TES: variants seen among roughly 807,000 people sequenced by gnomAD.
TES encodes the protein testin.
A neutral mutation model predicts 48.2 loss-of-function variants in TES; 41 were observed. That is an observed-to-expected ratio of 0.85 (90% CI 0.66 to 1.10). TES has a LOEUF of 1.10. Among genes scored for constraint, TES ranks in the 50% least tolerant of loss-of-function variants. The pLI, the probability that TES is intolerant of heterozygous loss-of-function variation, is 0.00. For synonymous variants in TES, 162 were observed against 174.9 expected (o/e 0.93, Z 0.58); for missense variants, 463 against 515.1 (o/e 0.90, Z 0.98).
chr7:116,214,643 G>A (rs1563003826), intron 1 of TES, among the ~76,000 whole-genome samples: 1 of 152,104 alleles, frequency 6.6e-6, no homozygotes, highest in Non-Finnish European at 1.5e-5. Flanking sequence ...TAATTGTCCT[G>A]AATATTGGTT....
chr7:116,243,132 A>AT (rs1390250229), intron 2 of TES, among the ~76,000 whole-genome samples: 1 of 150,830 alleles, frequency 6.6e-6, no homozygotes, highest in African/African-American at 2.4e-5. Flanking sequence ...TTAGTACTTT[A>AT]TTTTTTCCTT....
Position 116,252,370 on chromosome 7 carries a change from A to G in TES, c.971A>G (p.Lys324Arg), listed in dbSNP as rs1053671599. 1.1e-5 allele frequency: 18 copies of G among 1,613,948 alleles called. No homozygotes were observed. Among genetic ancestry groups the G allele is most frequent in the African/African-American group, 4.0e-5 (3 of 74,928 alleles). The change falls in exon 6 of 7, where the codon AAA becomes AGA. Residue 324 changes from lysine to arginine, a missense_variant. Physicochemically the swap from Lys to Arg is conservative, Grantham distance 26 (BLOSUM62 2). Coordinates refer to ENST00000358204, the MANE Select transcript of TES (RefSeq NM_015641.4). ...GCAGAAAACCAGAATTGGCACCTGA[A>G]ACACTTCTGCTGCTTTGACTGTGAT... ...TQAENQNWHL[K>R]HFCCFDCDSI...
In TES at chr7:116,251,956, G is replaced by A; in HGVS notation, c.899G>A (p.Arg300Gln). Reference sequence around the variant, plus strand: ...CATTACTGTGACAGCGAGAAACCCCGATGTGCTGGCTGTGACGAGGTATGT... The same window carrying A: ...CATTACTGTGACAGCGAGAAACCCCAATGTGCTGGCTGTGACGAGGTATGT... Reference protein sequence around the residue: ...GRHYCDSEKPRCAGCDELIFS... With the variant: ...GRHYCDSEKPQCAGCDELIFS... The change falls in exon 5 of 7, where the codon CGA becomes CAA. Residue 300 changes from arginine (R) to glutamine (Q), a missense_variant. Transcript: ENST00000358204. 2 of 1,614,160 alleles carry A rather than the reference G, an allele frequency of 1.2e-6. No homozygotes were observed. Among genetic ancestry groups the A allele is most frequent in the Non-Finnish European group, 1.7e-6 (2 of 1,180,038 alleles).
intron 1 of TES, chr7:116,211,484 C>G (rs1474351059): frequency 6.6e-6 from 1 of 152,272 alleles, no homozygotes; most frequent in East Asian, 1.9e-4. Context: ...TGAGCCACTC[C>G]CGGGTTATGC....
At chr7:116,254,147 G>T (rs894896339) in intron 6 of TES, among the ~76,000 whole-genome samples, 1 of 152,032 alleles carries the variant, frequency 6.6e-6, no homozygotes, top group Non-Finnish European at 1.5e-5. Flanking sequence ...ACAGACTAAA[G>T]GTATTATAAT....
At chr7:116,220,224 G>C (rs1231485829) in intron 1 of TES, among the ~76,000 whole-genome samples, 1 of 152,132 alleles carries the variant, frequency 6.6e-6, no homozygotes, top group East Asian at 1.9e-4. Flanking sequence ...AGAATTTAAA[G>C]GTAAAAAGAG....
chr7:116,253,353 A>T (rs3823977), intron 6 of TES, among the ~76,000 whole-genome samples: 49,602 of 152,020 alleles, frequency 0.33, 8,431 homozygotes, highest in East Asian at 0.57. Context: ...ACAGTTATTC[A>T]TTCTCTATCA....
At position 116,210,651 on chromosome 7, in the gene TES, G is replaced by A; in HGVS notation, c.-57G>A. The A allele has an allele frequency of 2.3e-6, 3 of 1,299,518 alleles. No homozygotes were observed. Among genetic ancestry groups the A allele is most frequent in the South Asian group, 4.9e-5 (2 of 40,614 alleles). The allele number at this position is 1,299,518 out of a possible 1,614,324, so 80.5% of individuals were successfully genotyped here. The stretch of plus-strand genomic sequence containing the variant: ...TTCGCAGCGGAGCCGGAGGCCAGCT[G>A]AACCCGGCCGTGGGATCCCGGATAG... On this transcript the variant is annotated 5_prime_UTR_variant, in exon 1 of 7. Transcript: ENST00000358204.
In TES at chr7:116,250,354, TG is replaced by T. The variant is rs1184704887; in HGVS notation, c.563del (p.Gly188GlufsTer2). ...QFVKKYKSEA[L>X]GVGDVKLPCE... ...GTGAAGAAATATAAGAGCGAAGCTC[TG>T]GGAGTAGGAGATGTCAAACTTCCCT... On this transcript the variant is annotated frameshift_variant, in exon 4 of 7. Transcript: ENST00000358204. LOFTEE classifies it high-confidence loss of function. 6.2e-7 allele frequency: 1 copy of T among 1,613,944 alleles called. No individual in the cohort carries two copies. The highest frequency in any genetic ancestry group is 8.5e-7 in the Non-Finnish European group (1 of 1,179,924).
chr7:116,252,084 T>C, intron 5 of TES, 109 bp downstream of exon 5: 1 of 1,182,678 alleles, frequency 8.5e-7, no homozygotes, highest in Non-Finnish European at 1.2e-6. Flanking sequence ...TCTGTTTACA[T>C]CCAAAGAAGT....
chr7:116,226,844 G>C (rs1438421964), intron 1 of TES, among the ~76,000 whole-genome samples: 3 of 152,244 alleles, frequency 2.0e-5, no homozygotes, highest in Admixed American at 6.5e-5. Flanking sequence ...TGACCAAGTG[G>C]GTGGTGACAA....
intron 4 of TES, 196 bp from the exon 5 acceptor site, chr7:116,251,564 T>G: frequency 1.8e-6 from 1 of 555,892 alleles, no homozygotes; most frequent in African/African-American, 1.9e-5. Flanking sequence ...GCGCCTGTAG[T>G]CCCAGCTACT....
intron 4 of TES, 69 bp downstream of exon 4, chr7:116,250,565 C>A: frequency 8.0e-7 from 1 of 1,253,118 alleles, no homozygotes; most frequent in Non-Finnish European, 1.0e-6. Context: ...TTACTTTGAA[C>A]TTTTTTGGGG....
intron 2 of TES, among the ~76,000 whole-genome samples, chr7:116,236,243 A>G (rs1484964147): frequency 2.0e-5 from 3 of 152,182 alleles, no homozygotes; most frequent in Non-Finnish European, 4.4e-5. Flanking sequence ...TTTTTACCTT[A>G]CAATCTTATA....
chr7:116,233,407 A>G (rs1471724148), intron 1 of TES, among the ~76,000 whole-genome samples: 1 of 152,204 alleles, frequency 6.6e-6, no homozygotes, highest in Non-Finnish European at 1.5e-5. Flanking sequence ...AGGGTTTGCT[A>G]TAGCAAGGGT....
At chr7:116,248,958 G>A (rs1021511351) in intron 2 of TES, 62 bp from the exon 3 acceptor site, 24 of 1,455,910 alleles carry the variant, frequency 1.6e-5, no homozygotes, top group Admixed American at 9.5e-5. Context: ...AACTATAAAT[G>A]TATGAACATA....
At chr7:116,241,838 C>A (rs951710605) in intron 2 of TES, among the ~76,000 whole-genome samples, 3 of 152,012 alleles carry the variant, frequency 2.0e-5, no homozygotes, top group African/African-American at 7.2e-5. Flanking sequence ...ATTGTCAAGA[C>A]AAATAATAAT....
At chr7:116,224,388 A>G (rs1245628007) in intron 1 of TES, among the ~76,000 whole-genome samples, 1 of 152,170 alleles carries the variant, frequency 6.6e-6, no homozygotes, top group Non-Finnish European at 1.5e-5. Context: ...GAAAAGAATG[A>G]TATTTTGCTT....
In TES at chr7:116,252,383, C is replaced by G; in HGVS notation, c.984C>G (p.Cys328Trp). 3.7e-6 allele frequency: 6 copies of G among 1,614,200 alleles called. No homozygotes were observed. Among genetic ancestry groups the G allele is most frequent in the Non-Finnish European group, 5.1e-6 (6 of 1,180,012 alleles). Residue 328 changes from cysteine (C) to tryptophan (W), a missense_variant, in exon 6 of 7, where the codon TGC becomes TGG. Coordinates refer to ENST00000358204, the MANE Select transcript of TES (RefSeq NM_015641.4). ...NQNWHLKHFCCFDCDSILAGE... is the reference protein window; with the variant it reads ...NQNWHLKHFCWFDCDSILAGE... The stretch of plus-strand genomic sequence containing the variant: ...ATTGGCACCTGAAACACTTCTGCTG[C>G]TTTGACTGTGATAGCATTCTAGCTG...
Sources: gnomAD v4.1 joint callset for allele counts (sites outside exome capture counted in the v4.1 genomes callset) on GRCh38, gnomAD v4.1.1 for gene constraint, MANE v1.5 for transcripts, NCBI Gene and HGNC (gene_info 2026-07-23, HGNC 2026-07-21) for gene names.